The following TRAF3 variants were observed in gnomAD, a reference collection of about 807,000 sequenced individuals.
TRAF3 encodes the protein TNF receptor-associated factor 3.
A neutral mutation model predicts 62.3 loss-of-function variants in TRAF3; 13 were observed. The observed-to-expected ratio is 0.21, with a 90% CI of 0.14 to 0.33. The LOEUF (loss-of-function observed/expected upper bound fraction) is 0.33. Among genes scored for constraint, TRAF3 ranks in the 10% least tolerant of loss-of-function variants. The probability of loss-of-function intolerance (pLI) is 1.00; values close to 1 mark genes in which losing one functional copy is unlikely to be tolerated. For missense variants in TRAF3, 440 were observed against 741.8 expected, an observed-to-expected ratio of 0.59 and a Z score of 4.73; for synonymous variants, 269 against 283.4, an observed-to-expected ratio of 0.95 and a Z score of 0.51.
intron 2 of TRAF3, among the ~76,000 whole-genome samples, chr14:102,859,212 C>T (rs961698135): frequency 8.0e-5 from 12 of 150,508 alleles, no homozygotes; most frequent in Admixed American, 6.6e-4. Flanking sequence ...AAAAAATCCA[C>T]ATTCACATGT....
chr14:102,779,660 G>A (rs930806885), intron 1 of TRAF3, among the ~76,000 whole-genome samples: 3 of 152,186 alleles, frequency 2.0e-5, no homozygotes, highest in Non-Finnish European at 4.4e-5. Context: ...CAGGTTAGGT[G>A]AGAATGATTG....
In TRAF3 at chr14:102,777,549, A is replaced by AGCCGCGGCGGCC. The variant is rs1897060799; in HGVS notation, c.-278_-267dup. On this transcript the variant is annotated 5_prime_UTR_variant, in exon 1 of 12. Coordinates refer to ENST00000392745, the MANE Select transcript of TRAF3 (RefSeq NM_145725.3). ...CAGCCGGGACTTTCCAGCCGGCGGC[A>AGCCGCGGCGGCC]GCCGCGGCGGCCGCCGGCTCTTCCC... The AGCCGCGGCGGCC allele has an allele frequency of 7.0e-6, 1 of 143,810 alleles. No individual in the cohort carries two copies. Among genetic ancestry groups the AGCCGCGGCGGCC allele is most frequent in the Non-Finnish European group, 1.5e-5 (1 of 64,844 alleles). The allele number at this position is 143,810 out of a possible 1,614,324, so 8.9% of individuals were successfully genotyped here.
At chr14:102,800,044 C>T (rs1251584001) in intron 1 of TRAF3, among the ~76,000 whole-genome samples, 2 of 152,130 alleles carry the variant, frequency 1.3e-5, no homozygotes, top group African/African-American at 2.4e-5. Context: ...ACTGGGCTTG[C>T]GGGCTGCCTT....
At chr14:102,874,269 C>G (rs996974949) in intron 4 of TRAF3, among the ~76,000 whole-genome samples, 11 of 152,124 alleles carry the variant, frequency 7.2e-5, no homozygotes, top group African/African-American at 2.4e-4. Context: ...CACCCTGTCT[C>G]TTTTTGAGAC....
At chr14:102,825,398 T>C (rs1049226292) in intron 1 of TRAF3, among the ~76,000 whole-genome samples, 4 of 152,234 alleles carry the variant, frequency 2.6e-5, no homozygotes, top group Non-Finnish European at 5.9e-5. Flanking sequence ...GGAAGGGTCC[T>C]GTGGTGTGCT....
At chr14:102,824,958 C>G (rs755559745) in intron 1 of TRAF3, among the ~76,000 whole-genome samples, 2 of 152,256 alleles carry the variant, frequency 1.3e-5, no homozygotes, top group African/African-American at 4.8e-5. Flanking sequence ...ACACGATTCT[C>G]TTCCTGCAGA....
At chr14:102,789,025 A>G (rs945475765) in intron 1 of TRAF3, among the ~76,000 whole-genome samples, 1 of 152,066 alleles carries the variant, frequency 6.6e-6, no homozygotes, top group Middle Eastern at 3.4e-3. Context: ...AATCACTCCC[A>G]TTCCCCAATC....
At chr14:102,801,862 A>G (rs1351816592) in intron 1 of TRAF3, among the ~76,000 whole-genome samples, 1 of 151,348 alleles carries the variant, frequency 6.6e-6, no homozygotes, top group East Asian at 2.0e-4. Context: ...TAAAAATACA[A>G]AAAATTAGCC....
intron 6 of TRAF3, among the ~76,000 whole-genome samples, chr14:102,880,690 A>G (rs1377439405): frequency 6.6e-6 from 1 of 152,260 alleles, no homozygotes; most frequent in Non-Finnish European, 1.5e-5. Flanking sequence ...TGACAATAGC[A>G]AAGACATGGA....
intron 2 of TRAF3, among the ~76,000 whole-genome samples, chr14:102,868,248 G>C (rs932136193): frequency 5.3e-5 from 8 of 152,208 alleles, no homozygotes; most frequent in African/African-American, 1.9e-4. Flanking sequence ...AAGGATGGAG[G>C]AGGCATGGAG....
At chr14:102,840,042 A>G (rs1008582523) in intron 2 of TRAF3, among the ~76,000 whole-genome samples, 2 of 152,154 alleles carry the variant, frequency 1.3e-5, no homozygotes, top group Non-Finnish European at 2.9e-5. Context: ...TTCCACTATG[A>G]TGGAATTAGA....
chr14:102,838,041 G>C (rs536494660), intron 2 of TRAF3, among the ~76,000 whole-genome samples: 1 of 152,276 alleles, frequency 6.6e-6, no homozygotes, highest in Non-Finnish European at 1.5e-5. Context: ...AGGTAGTCGC[G>C]GTGTGATAAC....
chr14:102,894,349 A>T (rs936813462), intron 9 of TRAF3, among the ~76,000 whole-genome samples: 2 of 152,262 alleles, frequency 1.3e-5, no homozygotes, highest in Non-Finnish European at 2.9e-5. Context: ...TGATCCTCAC[A>T]TTCATAGTCA....
In TRAF3 at chr14:102,826,080, C is replaced by T. The variant is rs1049116426; in HGVS notation, c.-156-4254C>T. Among the ~76,000 whole-genome samples the T allele has an allele frequency of 3.9e-5, 6 of 152,108 alleles. No individual in the cohort carries two copies. Among genetic ancestry groups the T allele is most frequent in the African/African-American group, 1.2e-4 (5 of 41,408 alleles). Reference sequence around the variant, plus strand: ...TTTCCTTAAAAGTTTTTCTGTAACTCGAATCCCTCCCACCCCCGTGAGGTA... The same window carrying T: ...TTTCCTTAAAAGTTTTTCTGTAACTTGAATCCCTCCCACCCCCGTGAGGTA... On this transcript the variant is annotated intron_variant, in intron 1 of 11. Coordinates refer to ENST00000392745, the MANE Select transcript of TRAF3 (RefSeq NM_145725.3). This position sits in a 1 kb window ranked among gnomAD's most constrained non-coding sequence, Gnocchi z 4.6.
Position 102,900,845 on chromosome 14 carries a change from C to T in TRAF3, c.961-2410C>T, listed in dbSNP as rs80129285. Among the ~76,000 whole-genome samples the T allele has an allele frequency of 8.0e-3, 1,224 of 152,372 alleles. 7 individuals carry two copies. Among genetic ancestry groups the T allele is most frequent in the Non-Finnish European group, 0.013 (858 of 68,038 alleles). On this transcript the variant is annotated intron_variant, in intron 10 of 11. Coordinates refer to ENST00000392745, the MANE Select transcript of TRAF3 (RefSeq NM_145725.3). The stretch of plus-strand genomic sequence containing the variant: ...TGATTTGGATTGTTGATGTGGAGTG[C>T]AGTCTGTCTCTTCAGCTCTGTGTCG...
chr14:102,795,288 G>C (rs945565003), intron 1 of TRAF3, among the ~76,000 whole-genome samples: 2 of 152,174 alleles, frequency 1.3e-5, no homozygotes, highest in Non-Finnish European at 2.9e-5. Context: ...TTTAAATAAT[G>C]AAACAGGAAA....
chr14:102,870,088 A>G, intron 2 of TRAF3, 97 bp from the exon 3 acceptor site: 4 of 1,487,850 alleles, frequency 2.7e-6, no homozygotes, highest in Non-Finnish European at 3.7e-6. Flanking sequence ...CCTAAAACTG[A>G]AAGACAGCAG....
chr14:102,839,796 A>G (rs1886266313), intron 2 of TRAF3, among the ~76,000 whole-genome samples: 3 of 152,228 alleles, frequency 2.0e-5, no homozygotes, highest in Non-Finnish European at 4.4e-5. Flanking sequence ...TATCCATTTG[A>G]TACACATCTA....
chr14:102,785,682 A>G (rs1566735277), intron 1 of TRAF3, among the ~76,000 whole-genome samples: 1 of 152,184 alleles, frequency 6.6e-6, no homozygotes, highest in Non-Finnish European at 1.5e-5. Context: ...ATGTTTGGCT[A>G]TTTTGGAGAA....
Sources: gnomAD v4.1 joint callset for allele counts (sites outside exome capture counted in the v4.1 genomes callset) on GRCh38, gnomAD v4.1.1 for gene constraint, Gnocchi (gnomAD v3.1) non-coding constraint, MANE v1.5 for transcripts, NCBI Gene and HGNC (gene_info 2026-07-23, HGNC 2026-07-21) for gene names.